The following NAALADL2 variants were observed in gnomAD, a reference collection of about 807,000 sequenced individuals.
NAALADL2 encodes N-acetylated alpha-linked acidic dipeptidase like 2.
In NAALADL2, 76 loss-of-function variants were observed where a neutral mutation model predicts 87.2. That is an observed-to-expected ratio of 0.87 (90% confidence interval 0.72 to 1.05). The LOEUF (loss-of-function observed/expected upper bound fraction) is 1.05, where lower values mean the gene tolerates loss of function less well. Among genes scored for constraint, NAALADL2 ranks in the 50% least tolerant of loss-of-function variants. The probability of loss-of-function intolerance (pLI) is 0.00; values close to 1 mark genes in which losing one functional copy is unlikely to be tolerated. For missense variants in NAALADL2, 1,089 were observed against 945.8 expected, an observed-to-expected ratio of 1.15 and a Z score of -1.99; for synonymous variants, 354 against 331.0, an observed-to-expected ratio of 1.07 and a Z score of -0.75.
intron 2 of NAALADL2, among the ~76,000 whole-genome samples, chr3:174,554,105 T>C (rs1712463095): frequency 6.6e-6 from 1 of 151,980 alleles, no homozygotes; most frequent in South Asian, 2.1e-4. Flanking sequence ...AATGCTCACA[T>C]TATATTTTAT....
At chr3:174,812,883 AT>A (rs988126600) in intron 3 of NAALADL2, among the ~76,000 whole-genome samples, 3 of 152,284 alleles carry the variant, frequency 2.0e-5, no homozygotes, top group Non-Finnish European at 4.4e-5. Flanking sequence ...TCTACAATAT[AT>A]TTATGTTTTA....
At chr3:175,120,630 A>AT (rs1726009227) in intron 2 of NAALADL2, among the ~76,000 whole-genome samples, 1 of 151,844 alleles carries the variant, frequency 6.6e-6, no homozygotes, top group African/African-American at 2.4e-5. Context: ...TGGTCTTGCA[A>AT]TAAAAAGTCT....
At chr3:174,499,958 A>G (rs1237199630) in intron 1 of NAALADL2, among the ~76,000 whole-genome samples, 1 of 152,118 alleles carries the variant, frequency 6.6e-6, no homozygotes, top group Non-Finnish European at 1.5e-5. Context: ...AAATTTCTGT[A>G]AAAATCCTTC....
intron 11 of NAALADL2, among the ~76,000 whole-genome samples, chr3:175,632,322 T>G (rs1727905567): frequency 6.8e-6 from 1 of 147,042 alleles, no homozygotes; most frequent in East Asian, 2.0e-4. Context: ...TACTCCCTAA[T>G]GGTAAGATAC....
chr3:175,057,662 T>A (rs1231103663), intron 1 of NAALADL2, among the ~76,000 whole-genome samples: 1 of 152,190 alleles, frequency 6.6e-6, no homozygotes, highest in Non-Finnish European at 1.5e-5. Context: ...GAGCCTTAGG[T>A]GGCTGTGTAA....
At chr3:174,470,104 C>G (rs759891461) in intron 1 of NAALADL2, among the ~76,000 whole-genome samples, 14 of 151,948 alleles carry the variant, frequency 9.2e-5, no homozygotes, top group Non-Finnish European at 1.3e-4. Context: ...TATATCCATA[C>G]AGGAATTTCC....
chr3:175,070,936 C>T (rs115722328), intron 1 of NAALADL2, among the ~76,000 whole-genome samples: 1,873 of 152,108 alleles, frequency 0.012, 34 homozygotes, highest in African/African-American at 0.044. Flanking sequence ...TTGCTCTAGA[C>T]CCTTTTTAAG....
intron 3 of NAALADL2, among the ~76,000 whole-genome samples, chr3:174,762,183 G>T (rs945164184): frequency 6.8e-6 from 1 of 148,136 alleles, no homozygotes; most frequent in Non-Finnish European, 1.5e-5. Context: ...CTTTTGAGAC[G>T]GAGTCTCGCT....
At chr3:175,148,090 T>TAA (rs1731019669) in intron 2 of NAALADL2, among the ~76,000 whole-genome samples, 1 of 108,008 alleles carries the variant, frequency 9.3e-6, no homozygotes, top group Non-Finnish European at 1.9e-5. Context: ...ATAATGATAA[T>TAA]GATAATAATA....
At chr3:174,681,066 G>A (rs1166300784) in intron 2 of NAALADL2, among the ~76,000 whole-genome samples, 2 of 152,078 alleles carry the variant, frequency 1.3e-5, no homozygotes, top group Non-Finnish European at 2.9e-5. Flanking sequence ...TTTGCATTGG[G>A]AACCCAGTAG....
At chr3:175,256,777 G>A (rs750504160) in intron 4 of NAALADL2, 3 of 256,894 alleles carry the variant, frequency 1.2e-5, no homozygotes, top group African/African-American at 4.5e-5. Context: ...AATACCTTAA[G>A]TCAGGTAACA....
chr3:174,982,611 T>C (rs1212249979), intron 1 of NAALADL2, among the ~76,000 whole-genome samples: 1 of 152,246 alleles, frequency 6.6e-6, no homozygotes, highest in African/African-American at 2.4e-5. Flanking sequence ...CCCTGCCTAA[T>C]GTTATTTACA....
chr3:175,755,441 T>C, intron 13 of NAALADL2, 23 bp downstream of exon 13: 1 of 1,526,514 alleles, frequency 6.6e-7, no homozygotes, highest in Non-Finnish European at 8.8e-7. Flanking sequence ...TCTCAAAAAT[T>C]ATACTTTTTG....
At chr3:174,741,724 G>C (rs1319479757) in intron 3 of NAALADL2, among the ~76,000 whole-genome samples, 1 of 151,586 alleles carries the variant, frequency 6.6e-6, no homozygotes, top group African/African-American at 2.4e-5. Flanking sequence ...AATTTTGTAA[G>C]TTTTTGAAGA....
chr3:175,028,118 C>T (rs779692955), intron 1 of NAALADL2, among the ~76,000 whole-genome samples: 30 of 151,958 alleles, frequency 2.0e-4, no homozygotes, highest in Middle Eastern at 3.4e-3. Context: ...AGGTTTCCTA[C>T]GCCAGTCAAA....
At chr3:175,056,190 G>A (rs929504976) in intron 1 of NAALADL2, among the ~76,000 whole-genome samples, 1 of 152,118 alleles carries the variant, frequency 6.6e-6, no homozygotes, top group Non-Finnish European at 1.5e-5. Context: ...AGGGGGTACA[G>A]AAGGGTAGGG....
At chr3:175,632,649 G>T (rs1466103369) in intron 11 of NAALADL2, among the ~76,000 whole-genome samples, 1 of 152,052 alleles carries the variant, frequency 6.6e-6, no homozygotes, top group Non-Finnish European at 1.5e-5. Flanking sequence ...AATTTTAATA[G>T]TTCTATCTTA....
chr3:175,564,336 C>A (rs530571386), intron 9 of NAALADL2, among the ~76,000 whole-genome samples: 2 of 151,878 alleles, frequency 1.3e-5, no homozygotes, highest in African/African-American at 2.4e-5. Context: ...TTAAAAAATA[C>A]GTGATTTTTT....
intron 13 of NAALADL2, among the ~76,000 whole-genome samples, chr3:175,762,635 A>T (rs139615517): frequency 6.6e-6 from 1 of 152,210 alleles, no homozygotes; most frequent in Non-Finnish European, 1.5e-5. Context: ...CTCTTTCCCC[A>T]GAATCACAGC....
Sources: allele counts gnomAD v4.1 joint callset (sites outside exome capture counted in the v4.1 genomes callset), GRCh38; gene constraint gnomAD v4.1.1; transcripts MANE v1.5; gene names NCBI Gene and HGNC (gene_info 2026-07-23, HGNC 2026-07-21).